The following SYNE1 variants were observed in gnomAD, a reference collection of about 807,000 sequenced individuals.
SYNE1 encodes the protein nesprin-1.
In SYNE1, 616 loss-of-function variants were observed where a neutral mutation model predicts 1,111.0. The ratio of observed to expected loss-of-function variants is 0.55; its 90% CI spans 0.52 to 0.59. The LOEUF (loss-of-function observed/expected upper bound fraction) is 0.59. SYNE1 is among the 20% of genes least tolerant of loss of function. The pLI is 0.00. For missense variants in SYNE1, 10,006 were observed against 10,417.0 expected (o/e 0.96, Z 1.72); for synonymous variants, 3,855 against 3,825.8 (o/e 1.01, Z -0.28).
intron 28 of SYNE1, among the ~76,000 whole-genome samples, chr6:152,448,696 G>A (rs1402141285): frequency 1.3e-5 from 2 of 152,108 alleles, no homozygotes; most frequent in East Asian, 3.9e-4. Context: ...ACAAACATTA[G>A]CCAGGCATAG....
chr6:152,266,449 T>C lies in SYNE1; in HGVS notation c.18815+1607A>G, dbSNP rs76952495. ...TGGAATGTAACGTGAAGGCAAGTCT[T>C]GGCTCAATCAACATGAAAGAAACAG... On this transcript the variant is annotated intron_variant, in intron 100 of 145. Transcript: ENST00000367255. 9.0e-3 allele frequency among the ~76,000 whole-genome samples: 1,364 copies of C among 152,286 alleles called. 23 individuals are homozygous for C. The highest frequency in any genetic ancestry group is 0.031 in the African/African-American group (1,278 of 41,562).
At position 152,477,789 on chromosome 6, in the gene SYNE1, C is replaced by G. The variant is rs183403265; in HGVS notation, c.1350+5296G>C. On this transcript the variant is annotated intron_variant, in intron 14 of 145. Transcript: ENST00000367255. The stretch of plus-strand genomic sequence containing the variant: ...AAGAATAGGGAAGACCAGAAAGGTA[C>G]AGCCAGGGGAGTAGGAAGGAAACTA... Among the ~76,000 whole-genome samples the G allele has an allele frequency of 9.2e-4, 140 of 152,236 alleles. 1 individual carries two copies. Among genetic ancestry groups the G allele is most frequent in the African/African-American group, 3.0e-3 (123 of 41,550 alleles).
chr6:152,536,921 G>C (rs2099246105), intron 4 of SYNE1, among the ~76,000 whole-genome samples: 3 of 152,072 alleles, frequency 2.0e-5, no homozygotes, highest in Admixed American at 6.6e-5. Context: ...AAGAGATAAA[G>C]TTGCTAAGGC....
chr6:152,431,898 AT>A (rs1367208616), intron 34 of SYNE1, among the ~76,000 whole-genome samples: 1 of 152,118 alleles, frequency 6.6e-6, no homozygotes, highest in Non-Finnish European at 1.5e-5. Context: ...TTAAGATTAT[AT>A]TTTTTAGAAA....
In SYNE1 at chr6:152,510,356, T is replaced by A; in HGVS notation, c.418A>T (p.Ser140Cys). The change falls in exon 8 of 146, where the codon AGC (serine) becomes TGC (cysteine). Residue 140 changes from serine to cysteine, a missense_variant. Transcript: ENST00000367255. ...AAAGACTGGAGCTGGGGCAGGTTGC[T>A]GGTCAACTCTTCAATCTGTTTGTGA... ...ILYFQIEELT[S>C]NLPQLQSLSS... The A allele has an allele frequency of 6.2e-7, 1 of 1,613,976 alleles. No homozygotes were observed. Among genetic ancestry groups the A allele is most frequent in the Non-Finnish European group, 8.5e-7 (1 of 1,179,960 alleles).
chr6:152,451,468 ATTTTTTTT>A (rs145882121), intron 25 of SYNE1, among the ~76,000 whole-genome samples: 4 of 49,822 alleles, frequency 8.0e-5, no homozygotes, highest in African/African-American at 2.5e-4. Flanking sequence ...CCTGCACCGT[ATTTTTTTT>A]TTTTTTTTTT....
chr6:152,233,865 C>T lies in SYNE1; in HGVS notation c.20628G>A (p.Thr6876=), dbSNP rs149330063. The T allele has an allele frequency of 1.2e-5, 19 of 1,614,156 alleles. No individual in the cohort carries two copies. In the African/African-American group the frequency reaches 2.1e-4, roughly 18 times the overall value. ...CAATGCGCGACAGCTCAGAGCGCAGCGTGGCTGTGTCCACCTTTTTTAGTC... is the reference window on the plus strand; with the variant it reads ...CAATGCGCGACAGCTCAGAGCGCAGTGTGGCTGTGTCCACCTTTTTTAGTC... The part of the protein sequence containing the change: ...LLRLKKVDTA[T]LRSELSRIDS... The change falls in exon 112 of 146, where the codon ACG becomes ACA. Residue 6876 remains threonine (T), a synonymous_variant. Coordinates refer to ENST00000367255, the MANE Select transcript of SYNE1 (RefSeq NM_182961.4).
chr6:152,572,691 C>T lies in SYNE1; in HGVS notation c.68-32670G>A, dbSNP rs549138773. Among the ~76,000 whole-genome samples the T allele has an allele frequency of 1.4e-3, 216 of 152,194 alleles. 1 individual carries two copies. The Middle Eastern group carries it at 0.02, about 14-fold the overall frequency. ...TCTTTCCTGAAGGGCAACTCACTTTCGCTAGGGATGAAGAGTAACTTAAAA... is the reference window on the plus strand; with the variant it reads ...TCTTTCCTGAAGGGCAACTCACTTTTGCTAGGGATGAAGAGTAACTTAAAA... On this transcript the variant is annotated intron_variant, in intron 3 of 145. Transcript: ENST00000367255.
At chr6:152,611,166 G>T (rs2984655) in intron 3 of SYNE1, among the ~76,000 whole-genome samples, 108,844 of 152,044 alleles carry the variant, frequency 0.72, 39,047 homozygotes, top group East Asian at 0.81. Context: ...AAATGTAAAT[G>T]GGCTAAATGC....
At chr6:152,629,343 T>C (rs939785214) in intron 2 of SYNE1, among the ~76,000 whole-genome samples, 1 of 151,888 alleles carries the variant, frequency 6.6e-6, no homozygotes, top group Non-Finnish European at 1.5e-5. Context: ...TAGCTGGGAT[T>C]ACAGGCGTAT....
chr6:152,568,462 T>C (rs754398940), intron 3 of SYNE1, among the ~76,000 whole-genome samples: 16 of 151,808 alleles, frequency 1.1e-4, no homozygotes, highest in Non-Finnish European at 1.8e-4. Context: ...ACCACCACAC[T>C]CGGCTAATTT....
intron 78 of SYNE1, among the ~76,000 whole-genome samples, chr6:152,328,878 G>A (rs1258299006): frequency 1.3e-5 from 2 of 152,168 alleles, no homozygotes; most frequent in Non-Finnish European, 2.9e-5. Flanking sequence ...AGCAGGAGAA[G>A]GACAGCACTC....
In SYNE1 at chr6:152,352,305, G is replaced by T. The variant is rs371013745; in HGVS notation, c.11302C>A (p.Arg3768=). Residue 3768 remains arginine, a synonymous_variant, in exon 70 of 146, where the codon CGG becomes AGG. Transcript: ENST00000367255. Reference sequence around the variant, plus strand: ...TTAACAGCCCTCTCTCCTTTCTCCCGGGCTGATTTCAGCAAACTGTGACCT... The same window carrying T: ...TTAACAGCCCTCTCTCCTTTCTCCCTGGCTGATTTCAGCAAACTGTGACCT... ...EKGHSLLKSA[R]EKGERAVKYL... 2.5e-6 allele frequency: 4 copies of T among 1,613,824 alleles called. No individual in the cohort carries two copies. Among genetic ancestry groups the T allele is most frequent in the South Asian group, 1.1e-5 (1 of 91,070 alleles).
chr6:152,143,674 A>G lies in SYNE1; in HGVS notation c.25068T>C (p.Ile8356=). The change falls in exon 138 of 146, where the codon ATT becomes ATC. Residue 8356 remains isoleucine, a synonymous_variant. Transcript: ENST00000367255. ...CCGGCCCCGTGGGAGTTTTGCTGCG[A>G]ATGATATTTTCGGTTTGCTGTATCT... ...RFQIQQTENI[I]RSKTPTGPEL... 12 of 1,614,146 alleles carry G rather than the reference A, an allele frequency of 7.4e-6. No individual in the cohort carries two copies. The highest frequency in any genetic ancestry group is 9.3e-6 in the Non-Finnish European group (11 of 1,180,032).
chr6:152,141,236 C>A lies in SYNE1; in HGVS notation c.25213G>T (p.Val8405Phe), dbSNP rs757463285. The A allele has an allele frequency of 6.8e-6, 11 of 1,612,966 alleles. No individual in the cohort carries two copies. The Admixed American group carries it at 1.5e-4, about 22-fold the overall frequency. ...TGGGTTTCGGTACTATGCAGGTTAACAAAGCCAGGAAGGCTCTCCTCTTCC... is the reference window on the plus strand; with the variant it reads ...TGGGTTTCGGTACTATGCAGGTTAAAAAAGCCAGGAAGGCTCTCCTCTTCC... ...KEEEESLPGF[V>F]NLHSTETQTA... is the part of the protein sequence containing the mutation. The change falls in exon 139 of 146, where the codon GTT (valine) becomes TTT (phenylalanine). Residue 8405 changes from valine (V) to phenylalanine (F), a missense_variant. Coordinates refer to ENST00000367255, the MANE Select transcript of SYNE1 (RefSeq NM_182961.4).
chr6:152,213,255 G>A (rs2077878511), intron 123 of SYNE1, among the ~76,000 whole-genome samples: 2 of 152,096 alleles, frequency 1.3e-5, no homozygotes, highest in South Asian at 4.1e-4. Context: ...TTAAGCAATT[G>A]TCCTTGGCAT....
In SYNE1 at chr6:152,352,337, A is replaced by G; in HGVS notation, c.11270T>C (p.Met3757Thr). ...TTTCAGCAAACTGTGACCTTTCTCCATGTCTTTGAGCAAAACCTGAAAAAG... is the reference window on the plus strand; with the variant it reads ...TTTCAGCAAACTGTGACCTTTCTCCGTGTCTTTGAGCAAAACCTGAAAAAG... ...LKTLEVLLKD[M>T]EKGHSLLKSA... Residue 3757 changes from methionine to threonine, a missense_variant, in exon 70 of 146, where the codon ATG becomes ACG. This residue lies in a region of SYNE1 where 4,955 missense variants were observed against 5,017.2 expected (regional missense o/e 0.99). Transcript: ENST00000367255. The G allele has an allele frequency of 1.2e-6, 2 of 1,613,740 alleles. No individual in the cohort carries two copies. Among genetic ancestry groups the G allele is most frequent in the Non-Finnish European group, 1.7e-6 (2 of 1,179,986 alleles).
chr6:152,471,480 A>G lies in SYNE1; in HGVS notation c.1632+117T>C. 4 of 987,628 alleles carry G rather than the reference A, an allele frequency of 4.1e-6. No homozygotes were observed. In the South Asian group the frequency reaches 4.3e-5, roughly 11 times the overall value. 61.2% of individuals were successfully genotyped at this position (987,628 alleles called of 1,614,324 possible). A position where few individuals can be genotyped will look rare whatever the true frequency, so the allele number is the denominator to read the frequency against. On this transcript the variant is annotated intron_variant, in intron 16 of 145. Coordinates refer to ENST00000367255, the MANE Select transcript of SYNE1 (RefSeq NM_182961.4). ...CATAAACTTGTATCTAACCCATTTA[A>G]CACACGCTATCTTTATGTTTAAATT...
intron 112 of SYNE1, among the ~76,000 whole-genome samples, chr6:152,233,198 A>T (rs948536679): frequency 2.6e-5 from 4 of 152,214 alleles, no homozygotes; most frequent in Admixed American, 6.5e-5. Context: ...AACTGTCCAC[A>T]TTTTATCTGA....
Sources: allele counts gnomAD v4.1 joint callset (sites outside exome capture counted in the v4.1 genomes callset), GRCh38; gene constraint gnomAD v4.1.1; regional missense constraint gnomAD v4.1.1; transcripts MANE v1.5; gene names NCBI Gene and HGNC (gene_info 2026-07-23, HGNC 2026-07-21).